Variants in NIT2 observed in about 807,000 individuals in gnomAD.
The protein encoded by NIT2 is omega-amidase NIT2.
In NIT2, 46 loss-of-function variants were observed where a neutral mutation model predicts 42.7. The ratio of observed to expected loss-of-function variants is 1.08; its 90% CI spans 0.85 to 1.38. The LOEUF (loss-of-function observed/expected upper bound fraction) is 1.38, where lower values mean the gene tolerates loss of function less well. NIT2 is among the 40% of genes most tolerant of loss of function. NIT2 has a pLI of 0.00. For synonymous variants in NIT2, 123 were observed against 121.9 expected (o/e 1.01, Z -0.06); for missense variants, 309 against 342.5 (o/e 0.90, Z 0.77).
intron 1 of NIT2, among the ~76,000 whole-genome samples, chr3:100,336,316 C>T (rs1320497508): frequency 6.6e-6 from 1 of 152,114 alleles, no homozygotes; most frequent in Non-Finnish European, 1.5e-5. Flanking sequence ...TCGGGCAGGC[C>T]ATTACTAATT....
Position 100,359,447 on chromosome 3 carries a change from A to G in NIT2, c.*4179A>G, listed in dbSNP as rs1306934290. The G allele has an allele frequency of 1.3e-5, 2 of 151,996 alleles. No homozygotes were observed. Among genetic ancestry groups the G allele is most frequent in the African/African-American group, 4.8e-5 (2 of 41,374 alleles). The allele number at this position is 151,996 out of a possible 1,614,324, so 9.4% of individuals were successfully genotyped here. A position where few individuals can be genotyped will look rare whatever the true frequency, so the allele number is the denominator to read the frequency against. On this transcript the variant is annotated 3_prime_UTR_variant, in exon 10 of 10. Coordinates refer to ENST00000394140, the MANE Select transcript of NIT2 (RefSeq NM_020202.5). Reference sequence around the variant, plus strand: ...TACTCTTCCTGATTTTTTTTCACCCAATTTCTTAGTTTCTTTCAATTGCTT... The same window carrying G: ...TACTCTTCCTGATTTTTTTTCACCCGATTTCTTAGTTTCTTTCAATTGCTT...
In NIT2 at chr3:100,347,191, G is replaced by C. The variant is rs932678891; in HGVS notation, c.505+936G>C. The stretch of plus-strand genomic sequence containing the variant: ...ACTCACTGCAACCTCCACCTCCCAG[G>C]TTCAAGTGATTCTCCTGTCTCAGCC... On this transcript the variant is annotated intron_variant, in intron 6 of 9. Transcript: ENST00000394140. Among the ~76,000 whole-genome samples, 4 of 151,990 alleles carry C rather than the reference G, an allele frequency of 2.6e-5. No individual in the cohort carries two copies. In the East Asian group the frequency reaches 7.8e-4, roughly 30 times the overall value.
Position 100,358,398 on chromosome 3 carries a change from AATG to A in NIT2, c.*3134_*3136del, listed in dbSNP as rs969601066. 6.6e-6 allele frequency: 1 copy of A among 152,236 alleles called. No individual in the cohort carries two copies. Among genetic ancestry groups the A allele is most frequent in the Admixed American group, 6.5e-5 (1 of 15,286 alleles). The allele number at this position is 152,236 out of a possible 1,614,324, so 9.4% of individuals were successfully genotyped here. The stretch of plus-strand genomic sequence containing the variant: ...TCCCCGACTTTCTAATGAATTAGAC[AATG>A]ATGTTTTATTTTTGTTTTTTGTTTT... On this transcript the variant is annotated 3_prime_UTR_variant, in exon 10 of 10. Transcript: ENST00000394140.
chr3:100,337,843 G>A (rs1018379314), intron 1 of NIT2, among the ~76,000 whole-genome samples: 3 of 152,120 alleles, frequency 2.0e-5, no homozygotes, highest in Admixed American at 2.0e-4. Context: ...CAGGAGGATC[G>A]CTTGAGCCCA....
At chr3:100,336,931 A>G (rs576580423) in intron 1 of NIT2, among the ~76,000 whole-genome samples, 1 of 152,310 alleles carries the variant, frequency 6.6e-6, no homozygotes, top group Non-Finnish European at 1.5e-5. Flanking sequence ...GCCATATTTC[A>G]GACTATCACA....
rs395399 is a variant in NIT2 at position 100,345,161 on chromosome 3, T to A, written c.337-424T>A. On this transcript the variant is annotated intron_variant, in intron 4 of 9. Coordinates refer to ENST00000394140, the MANE Select transcript of NIT2 (RefSeq NM_020202.5). ...TTTAGTAGAGACAAGGTTTCACTAC[T>A]TTGGCCAGGCTGGTCTCGAACCCCT... 4.7e-5 allele frequency among the ~76,000 whole-genome samples: 7 copies of A among 150,346 alleles called. No homozygotes were observed. In the East Asian group the frequency reaches 1.4e-3, roughly 29 times the overall value.
rs1706363388 is a variant in NIT2, at chr3:100,360,047, T to C, written c.*4779T>C. On this transcript the variant is annotated 3_prime_UTR_variant, in exon 10 of 10. Coordinates refer to ENST00000394140, the MANE Select transcript of NIT2 (RefSeq NM_020202.5). Reference sequence around the variant, plus strand: ...TATCCAGCCCACCAAAACTCAGTTTTTGAGCTCCTCTATGTTCATCTTTTT... The same window carrying C: ...TATCCAGCCCACCAAAACTCAGTTTCTGAGCTCCTCTATGTTCATCTTTTT... 1 of 152,242 alleles carries C rather than the reference T, an allele frequency of 6.6e-6. No homozygotes were observed. The highest frequency in any genetic ancestry group is 1.5e-5 in the Non-Finnish European group (1 of 68,052). 9.4% of individuals were successfully genotyped at this position (152,242 alleles called of 1,614,324 possible). A position where few individuals can be genotyped will look rare whatever the true frequency, so the allele number is the denominator to read the frequency against.
chr3:100,345,549 G>A (rs748974785), intron 4 of NIT2, 36 bp from the exon 5 acceptor site: 95 of 1,432,150 alleles, frequency 6.6e-5, no homozygotes, highest in Non-Finnish European at 9.1e-5. Flanking sequence ...GACCCTGCTG[G>A]AAAAGAGGTA....
chr3:100,354,885 A>T, intron 9 of NIT2, 58 bp downstream of exon 9: 1 of 1,406,104 alleles, frequency 7.1e-7, no homozygotes, highest in Non-Finnish European at 1.0e-6. Context: ...CTGAGGCCAG[A>T]CTCCATGGCT....
rs755874387 is a variant in NIT2, at chr3:100,354,802, A to G, written c.714A>G (p.Glu238=). ...WGEVLAKAGT[E]EAIVYSDIDL... ...AGGTTCTAGCCAAAGCTGGCACAGA[A>G]GAAGCAATCGTGTATTCAGACATAG... Residue 238 remains glutamate, a synonymous_variant, in exon 9 of 10, where the codon GAA becomes GAG. Coordinates refer to ENST00000394140, the MANE Select transcript of NIT2 (RefSeq NM_020202.5). The G allele has an allele frequency of 6.2e-7, 1 of 1,610,386 alleles. No individual in the cohort carries two copies. The highest frequency in any genetic ancestry group is 8.5e-7 in the Non-Finnish European group (1 of 1,178,170).
intron 9 of NIT2, 54 bp downstream of exon 9, chr3:100,354,881 C>A: frequency 6.9e-7 from 1 of 1,448,230 alleles, no homozygotes; most frequent in Non-Finnish European, 9.6e-7. Context: ...TGTTCTGAGG[C>A]CAGACTCCAT....
intron 8 of NIT2, among the ~76,000 whole-genome samples, chr3:100,353,144 A>G (rs1297064250): frequency 6.6e-6 from 1 of 152,228 alleles, no homozygotes; most frequent in Non-Finnish European, 1.5e-5. Context: ...AGCCCAGTTT[A>G]TAGATGGTAG....
rs1706341180 is a variant in NIT2, at chr3:100,358,137, T to C, written c.*2869T>C. ...AATGAATTGTCCTTTTAGTGGTATA[T>C]CAGGAGATCTTGCCTTCTGGTACTC... is the stretch of plus-strand genomic sequence containing the variant. On this transcript the variant is annotated 3_prime_UTR_variant, in exon 10 of 10. Coordinates refer to ENST00000394140, the MANE Select transcript of NIT2 (RefSeq NM_020202.5). 6.6e-6 allele frequency: 1 copy of C among 152,220 alleles called. No homozygotes were observed. Among genetic ancestry groups the C allele is most frequent in the Non-Finnish European group, 1.5e-5 (1 of 68,040 alleles). The allele number at this position is 152,220 out of a possible 1,614,324, so 9.4% of individuals were successfully genotyped here. A position where few individuals can be genotyped will look rare whatever the true frequency, so the allele number is the denominator to read the frequency against.
Position 100,339,203 on chromosome 3 carries a change from C to T in NIT2, c.124C>T (p.Pro42Ser), listed in dbSNP as rs1034913070. ...ATQGAKIVSL[P>S]ECFNSPYGAK... is the part of the protein sequence containing the mutation. Reference sequence around the variant, plus strand: ...GCAAGGAGCCAAAATAGTTTCTTTGCCGGTCAGTATGGGAGCAGCCATTCT... The same window carrying T: ...GCAAGGAGCCAAAATAGTTTCTTTGTCGGTCAGTATGGGAGCAGCCATTCT... The change falls in exon 2 of 10, where the codon CCG (proline) becomes TCG (serine). Residue 42 changes from proline to serine, a missense_variant and splice_region_variant. Pro to Ser is a moderately conservative substitution (Grantham distance 74, BLOSUM62 -1). Transcript: ENST00000394140. 14 of 1,598,742 alleles carry T rather than the reference C, an allele frequency of 8.8e-6. No individual in the cohort carries two copies. The highest frequency in any genetic ancestry group is 4.0e-5 in the African/African-American group (3 of 74,580).
chr3:100,351,878 C>G (rs1021360161), intron 7 of NIT2, among the ~76,000 whole-genome samples: 5 of 152,068 alleles, frequency 3.3e-5, no homozygotes, highest in Non-Finnish European at 5.9e-5. Flanking sequence ...GGGCTAATAT[C>G]CAGAATCTAC....
At chr3:100,335,083 G>C (rs909351049) in intron 1 of NIT2, 22 of 480,062 alleles carry the variant, frequency 4.6e-5, no homozygotes, top group Admixed American at 1.0e-4. Flanking sequence ...GCTGATGGAC[G>C]TGTATTTCTC....
In NIT2 at chr3:100,334,791, C is replaced by T; in HGVS notation, c.-1C>T. 7.7e-7 allele frequency: 1 copy of T among 1,304,976 alleles called. No individual in the cohort carries two copies. The highest frequency in any genetic ancestry group is 9.8e-7 in the Non-Finnish European group (1 of 1,020,752). 80.8% of individuals were successfully genotyped at this position (1,304,976 alleles called of 1,614,324 possible). ...CGCAGGTGGTGCTTGTCTGCAGAGTCATGACCTGTAAGTGGCGCGGCCGCG... is the reference window on the plus strand; with the variant it reads ...CGCAGGTGGTGCTTGTCTGCAGAGTTATGACCTGTAAGTGGCGCGGCCGCG... On this transcript the variant is annotated 5_prime_UTR_variant, in exon 1 of 10. Coordinates refer to ENST00000394140, the MANE Select transcript of NIT2 (RefSeq NM_020202.5).
chr3:100,348,182 G>A (rs559262289), intron 6 of NIT2, among the ~76,000 whole-genome samples: 5 of 152,194 alleles, frequency 3.3e-5, no homozygotes, highest in Admixed American at 2.0e-4. Flanking sequence ...GTGAGCCAGC[G>A]CACCCACCGC....
intron 6 of NIT2, among the ~76,000 whole-genome samples, chr3:100,347,586 C>T (rs879497577): frequency 3.3e-5 from 5 of 151,954 alleles, no homozygotes; most frequent in African/African-American, 7.3e-5. Flanking sequence ...TGTGCCACCA[C>T]ACCTGGCTAA....
Sources: allele counts gnomAD v4.1 joint callset (sites outside exome capture counted in the v4.1 genomes callset), GRCh38; gene constraint gnomAD v4.1.1; transcripts MANE v1.5; gene names NCBI Gene and HGNC (gene_info 2026-07-23, HGNC 2026-07-21).